INPP4B: variants seen among roughly 807,000 people sequenced by gnomAD.
INPP4B encodes inositol polyphosphate-4-phosphatase type II B, also known as inositol polyphosphate 4-phosphatase type II.
Under a neutral mutation model 122.5 loss-of-function variants are expected in INPP4B, and 55 were observed. The ratio of observed to expected loss-of-function variants is 0.45; its 90% CI spans 0.36 to 0.56. INPP4B has a LOEUF of 0.56. Among genes scored for constraint, INPP4B ranks in the 20% least tolerant of loss-of-function variants. The pLI is 0.00. For missense variants in INPP4B, 1,000 were observed against 1,097.7 expected, an observed-to-expected ratio of 0.91 and a Z score of 1.26; for synonymous variants, 403 against 388.7, an observed-to-expected ratio of 1.04 and a Z score of -0.43.
chr4:142,041,133 A>C (rs1469797834), intron 25 of INPP4B, among the ~76,000 whole-genome samples: 1 of 152,120 alleles, frequency 6.6e-6, no homozygotes, highest in Non-Finnish European at 1.5e-5. Flanking sequence ...AGCAGAAATC[A>C]ATAATAAAAA....
intron 1 of INPP4B, among the ~76,000 whole-genome samples, chr4:142,743,334 G>A (rs1768176385): frequency 6.6e-6 from 1 of 151,918 alleles, no homozygotes; most frequent in Non-Finnish European, 1.5e-5. Context: ...TAGAGTTCAA[G>A]GAAGCTGAAG....
At chr4:142,372,049 T>G (rs568219816) in intron 7 of INPP4B, among the ~76,000 whole-genome samples, 1 of 152,198 alleles carries the variant, frequency 6.6e-6, no homozygotes, top group East Asian at 1.9e-4. Flanking sequence ...CATTAGTGGA[T>G]GAATGGATAA....
At chr4:142,724,690 T>C (rs1312729983) in intron 2 of INPP4B, among the ~76,000 whole-genome samples, 1 of 152,166 alleles carries the variant, frequency 6.6e-6, no homozygotes, top group Non-Finnish European at 1.5e-5. Context: ...GAAAAGAAGC[T>C]ATTTTCTCAA....
At chr4:142,123,654 T>C (rs1047428743) in intron 19 of INPP4B, among the ~76,000 whole-genome samples, 1 of 152,106 alleles carries the variant, frequency 6.6e-6, no homozygotes, top group Non-Finnish European at 1.5e-5. Flanking sequence ...AGGAGTAAGG[T>C]TGATAGGTCT....
intron 7 of INPP4B, among the ~76,000 whole-genome samples, chr4:142,339,980 C>T (rs977405008): frequency 7.2e-5 from 11 of 152,054 alleles, no homozygotes; most frequent in African/African-American, 2.7e-4. Context: ...CCTCAGGGGG[C>T]TACAAAGAAA....
chr4:142,588,063 A>G (rs976153005), intron 2 of INPP4B, among the ~76,000 whole-genome samples: 2 of 151,956 alleles, frequency 1.3e-5, no homozygotes, highest in African/African-American at 4.8e-5. Flanking sequence ...AATAAGAAAA[A>G]CGATATGATT....
At chr4:142,554,180 C>A (rs1184657004) in intron 2 of INPP4B, among the ~76,000 whole-genome samples, 1 of 133,834 alleles carries the variant, frequency 7.5e-6, no homozygotes, top group Non-Finnish European at 1.6e-5. Flanking sequence ...AAGAGTGAAA[C>A]TCCATCTCAA....
At chr4:142,652,591 A>G (rs1753225303) in intron 2 of INPP4B, among the ~76,000 whole-genome samples, 1 of 152,138 alleles carries the variant, frequency 6.6e-6, no homozygotes, top group South Asian at 2.1e-4. Context: ...CAGACAAATC[A>G]TGAGTGAACT....
chr4:142,108,320 T>C (rs116641260), intron 22 of INPP4B, 130 bp from the exon 23 acceptor site: 4 of 656,104 alleles, frequency 6.1e-6, no homozygotes, highest in African/African-American at 5.6e-5. Flanking sequence ...TTTTTCAAGC[T>C]ACAATTCACA....
intron 2 of INPP4B, among the ~76,000 whole-genome samples, chr4:142,551,934 A>T (rs1367313066): frequency 1.3e-5 from 2 of 152,128 alleles, no homozygotes; most frequent in Non-Finnish European, 2.9e-5. Context: ...GTTCATTTGA[A>T]CTCTGATGCA....
At chr4:142,637,101 G>A (rs1327416762) in intron 2 of INPP4B, among the ~76,000 whole-genome samples, 1 of 152,112 alleles carries the variant, frequency 6.6e-6, no homozygotes, top group Admixed American at 6.6e-5. Flanking sequence ...GAGTTCCCAT[G>A]AACCATCCCT....
chr4:142,330,729 T>C (rs1365977281), intron 7 of INPP4B, among the ~76,000 whole-genome samples: 1 of 152,226 alleles, frequency 6.6e-6, no homozygotes, highest in East Asian at 1.9e-4. Flanking sequence ...CCTTGAATTT[T>C]AACATTTAAA....
intron 11 of INPP4B, among the ~76,000 whole-genome samples, chr4:142,254,673 G>T (rs1271105280): frequency 6.6e-6 from 1 of 152,044 alleles, no homozygotes; most frequent in Non-Finnish European, 1.5e-5. Flanking sequence ...AAAAAGAAAT[G>T]AACAAAGCCT....
chr4:142,258,512 C>A (rs1381961979), intron 11 of INPP4B, among the ~76,000 whole-genome samples: 30 of 151,944 alleles, frequency 2.0e-4, no homozygotes, highest in South Asian at 8.3e-4. Context: ...TACAAGAAAA[C>A]AACAAACAAC....
intron 16 of INPP4B, among the ~76,000 whole-genome samples, chr4:142,164,545 T>A (rs977506081): frequency 1.3e-5 from 2 of 151,788 alleles, no homozygotes; most frequent in East Asian, 1.9e-4. Flanking sequence ...AAGGAAAGCA[T>A]GTTAGACTAA....
intron 7 of INPP4B, among the ~76,000 whole-genome samples, chr4:142,332,137 G>A (rs2151550303): frequency 6.6e-6 from 1 of 152,246 alleles, no homozygotes; most frequent in East Asian, 1.9e-4. Flanking sequence ...CAGCTGTCTT[G>A]CATAATTTTT....
At chr4:142,805,127 C>T (rs374209497) in intron 1 of INPP4B, among the ~76,000 whole-genome samples, 5 of 152,194 alleles carry the variant, frequency 3.3e-5, no homozygotes, top group African/African-American at 1.2e-4. Flanking sequence ...TCTCTACAGA[C>T]ACTAAAAAGC....
At chr4:142,766,245 C>T (rs926540295) in intron 1 of INPP4B, among the ~76,000 whole-genome samples, 4 of 152,040 alleles carry the variant, frequency 2.6e-5, no homozygotes, top group African/African-American at 9.7e-5. Flanking sequence ...AATATTCAAC[C>T]ATAGAATAAC....
chr4:142,042,588 A>AGTCT (rs1748707888), intron 25 of INPP4B, among the ~76,000 whole-genome samples: 2 of 149,880 alleles, frequency 1.3e-5, no homozygotes, highest in Non-Finnish European at 3.0e-5. Context: ...TTTTAGACAG[A>AGTCT]GTCTCACTCC....
Sources: allele counts gnomAD v4.1 joint callset (sites outside exome capture counted in the v4.1 genomes callset), GRCh38; gene constraint gnomAD v4.1.1; transcripts MANE v1.5; gene names NCBI Gene and HGNC (gene_info 2026-07-23, HGNC 2026-07-21).